PPP2R3A: variants seen among roughly 807,000 people sequenced by gnomAD.
The protein encoded by PPP2R3A is protein phosphatase 2 regulatory subunit B''alpha, also known as serine/threonine-protein phosphatase 2A regulatory subunit B'' subunit alpha.
A neutral mutation model predicts 106.9 loss-of-function variants in PPP2R3A; 80 were observed. The observed-to-expected ratio is 0.75, with a 90% CI of 0.62 to 0.90. The LOEUF (loss-of-function observed/expected upper bound fraction) is 0.90, where lower values mean the gene tolerates loss of function less well. Among genes scored for constraint, PPP2R3A ranks in the 40% least tolerant of loss-of-function variants. The pLI is 0.00. For missense variants in PPP2R3A, 1,386 were observed against 1,350.4 expected (o/e 1.03, Z -0.41); for synonymous variants, 483 against 468.3 (o/e 1.03, Z -0.41).
chr3:136,030,772 A>ATG (rs1934846723), intron 3 of PPP2R3A, among the ~76,000 whole-genome samples: 1 of 121,586 alleles, frequency 8.2e-6, no homozygotes, highest in Non-Finnish European at 1.6e-5. Context: ...ATATATATAT[A>ATG]TATATATATG....
chr3:136,106,390 C>T, intron 13 of PPP2R3A, 68 bp downstream of exon 13: 2 of 1,328,020 alleles, frequency 1.5e-6, no homozygotes, highest in Non-Finnish European at 2.1e-6. Flanking sequence ...TATTAAAACC[C>T]CCTTACAAAA....
At chr3:136,090,514 A>G (rs1449638908) in intron 9 of PPP2R3A, 64 bp from the exon 10 acceptor site, 24 of 1,345,396 alleles carry the variant, frequency 1.8e-5, no homozygotes, top group Admixed American at 7.0e-5. Context: ...TTCTTAGCCT[A>G]TCATCCTGAT....
At chr3:135,985,779 A>T (rs1932894529) in intron 1 of PPP2R3A, among the ~76,000 whole-genome samples, 2 of 152,200 alleles carry the variant, frequency 1.3e-5, no homozygotes, top group Admixed American at 6.5e-5. Flanking sequence ...AGCATGATTA[A>T]TGTTGTGGGA....
intron 3 of PPP2R3A, among the ~76,000 whole-genome samples, chr3:136,027,899 C>T (rs2107824576): frequency 6.6e-6 from 1 of 152,278 alleles, no homozygotes; most frequent in East Asian, 1.9e-4. Flanking sequence ...AGTGAGAATA[C>T]CTAAGAGCCC....
intron 1 of PPP2R3A, among the ~76,000 whole-genome samples, chr3:135,982,836 A>C (rs1937556732): frequency 6.6e-6 from 1 of 152,168 alleles, no homozygotes; most frequent in South Asian, 2.1e-4. Context: ...TCCTGCCGAA[A>C]TTATGGCCAC....
At chr3:135,975,210 G>A (rs1225167066) in intron 1 of PPP2R3A, among the ~76,000 whole-genome samples, 1 of 152,170 alleles carries the variant, frequency 6.6e-6, no homozygotes, top group Non-Finnish European at 1.5e-5. Flanking sequence ...AGTATTAAAG[G>A]CAATTGAGGG....
chr3:136,044,889 G>C lies in PPP2R3A; in HGVS notation c.2366+3927G>C, dbSNP rs574615222. On this transcript the variant is annotated intron_variant, in intron 4 of 13. Transcript: ENST00000264977. ...CTGCAAGAGATCCCACAGCCACCAT[G>C]GACGTTTGAGTTGGCAGGGAAAACT... 7.9e-5 allele frequency among the ~76,000 whole-genome samples: 12 copies of C among 152,322 alleles called. No individual in the cohort carries two copies. In the South Asian group the frequency reaches 1.4e-3, roughly 18 times the overall value.
intron 1 of PPP2R3A, among the ~76,000 whole-genome samples, chr3:135,977,779 G>A (rs954181180): frequency 6.8e-5 from 9 of 132,878 alleles, no homozygotes; most frequent in East Asian, 2.3e-4. Context: ...AGCTCACTGC[G>A]ACCTCCGCTT....
At chr3:136,062,827 T>C (rs1310538090) in intron 5 of PPP2R3A, among the ~76,000 whole-genome samples, 2 of 151,946 alleles carry the variant, frequency 1.3e-5, no homozygotes, top group Non-Finnish European at 2.9e-5. Context: ...ATCAATATCA[T>C]GAAAATGGCC....
At chr3:136,028,294 T>A (rs1423538563) in intron 3 of PPP2R3A, among the ~76,000 whole-genome samples, 2 of 152,224 alleles carry the variant, frequency 1.3e-5, no homozygotes, top group Non-Finnish European at 2.9e-5. Flanking sequence ...TGCTGTTAAA[T>A]GATATGTAAC....
chr3:136,133,312 T>C lies in PPP2R3A; in HGVS notation c.3330-11731T>C, dbSNP rs77257642. Among the ~76,000 whole-genome samples the C allele has an allele frequency of 6.6e-5, 10 of 152,142 alleles. No individual in the cohort carries two copies. The South Asian group carries it at 2.1e-3, about 32-fold the overall frequency. ...ACTCTAAATAACAAAAAGACTAATATCTCAATTTTTTAAATAGAACATGTG... is the reference window on the plus strand; with the variant it reads ...ACTCTAAATAACAAAAAGACTAATACCTCAATTTTTTAAATAGAACATGTG... On this transcript the variant is annotated intron_variant, in intron 13 of 13. Coordinates refer to ENST00000264977, the MANE Select transcript of PPP2R3A (RefSeq NM_002718.5).
chr3:136,144,995 A>C lies in PPP2R3A; in HGVS notation c.3330-48A>C, dbSNP rs774091334. The C allele has an allele frequency of 1.9e-6, 3 of 1,584,594 alleles. No homozygotes were observed. The Admixed American group carries it at 5.3e-5, about 28-fold the overall frequency. On this transcript the variant is annotated intron_variant, in intron 13 of 13. Coordinates refer to ENST00000264977, the MANE Select transcript of PPP2R3A (RefSeq NM_002718.5). The stretch of plus-strand genomic sequence containing the variant: ...GATTTGCCATATTGATTTCTACCCA[A>C]ACTTTAATCAATCAATCAGTTAATT...
At chr3:135,977,661 A>G (rs1379550253) in intron 1 of PPP2R3A, among the ~76,000 whole-genome samples, 1 of 148,296 alleles carries the variant, frequency 6.7e-6, no homozygotes, top group Admixed American at 6.7e-5. Context: ...TATTAAATAC[A>G]TAAGTTGCAT....
intron 13 of PPP2R3A, among the ~76,000 whole-genome samples, chr3:136,135,928 C>T (rs1938594197): frequency 6.6e-6 from 1 of 150,752 alleles, no homozygotes; most frequent in Non-Finnish European, 1.5e-5. Flanking sequence ...ATCCCAGCTA[C>T]TTGGGAGGCT....
rs1187395210 is a variant in PPP2R3A, at chr3:136,147,631, A to C, written c.*2465A>C. The C allele has an allele frequency of 6.6e-6, 1 of 152,604 alleles. No homozygotes were observed. The highest frequency in any genetic ancestry group is 1.5e-5 in the Non-Finnish European group (1 of 68,038). The allele number at this position is 152,604 out of a possible 1,614,324, so 9.5% of individuals were successfully genotyped here. ...TTATAATATCCCAGGCCCCTTGATA[A>C]AAGCTGAGGGTTATCATGACCTTAA... On this transcript the variant is annotated 3_prime_UTR_variant, in exon 14 of 14. Coordinates refer to ENST00000264977, the MANE Select transcript of PPP2R3A (RefSeq NM_002718.5).
At chr3:136,064,414 TA>T (rs1054649267) in intron 5 of PPP2R3A, among the ~76,000 whole-genome samples, 29 of 148,046 alleles carry the variant, frequency 2.0e-4, no homozygotes, top group African/African-American at 5.9e-4. Flanking sequence ...ACTTAAAGTA[TA>T]AAAAAAAAAT....
intron 11 of PPP2R3A, among the ~76,000 whole-genome samples, chr3:136,102,844 A>G (rs1213547497): frequency 2.0e-5 from 3 of 152,096 alleles, no homozygotes; most frequent in African/African-American, 7.2e-5. Flanking sequence ...AAGAAAATGA[A>G]AGCGGGGTTT....
intron 2 of PPP2R3A, among the ~76,000 whole-genome samples, chr3:136,025,148 G>A (rs1348595738): frequency 6.6e-6 from 1 of 152,202 alleles, no homozygotes; most frequent in East Asian, 1.9e-4. Context: ...GCCCAGCACT[G>A]TTCTAAACCT....
intron 5 of PPP2R3A, among the ~76,000 whole-genome samples, chr3:136,061,031 AAG>A (rs1354901983): frequency 1.3e-5 from 2 of 152,210 alleles, no homozygotes; most frequent in Non-Finnish European, 2.9e-5. Flanking sequence ...AAATGTAAAA[AAG>A]AATAAAAAAA....
Sources: gnomAD v4.1 joint callset for allele counts (sites outside exome capture counted in the v4.1 genomes callset) on GRCh38, gnomAD v4.1.1 for gene constraint, MANE v1.5 for transcripts, NCBI Gene and HGNC (gene_info 2026-07-23, HGNC 2026-07-21) for gene names.